Variants in MKLN1 observed in about 807,000 individuals in gnomAD.
MKLN1 encodes the protein muskelin.
MKLN1 carries 18 observed loss-of-function variants against 99.0 expected under a neutral mutation model. The observed-to-expected ratio is 0.18, with a 90% CI of 0.13 to 0.27. The LOEUF is 0.27. Among genes scored for constraint, MKLN1 ranks in the 10% least tolerant of loss-of-function variants. The pLI is 1.00. For synonymous variants in MKLN1, 288 were observed against 293.2 expected, an observed-to-expected ratio of 0.98 and a Z score of 0.18; for missense variants, 621 against 875.9, an observed-to-expected ratio of 0.71 and a Z score of 3.67.
rs537368630 is a variant in MKLN1, at chr7:131,391,895, T to C, written c.400+2923T>C. ...TTACATGCCTTCTTACATGTAGTAT[T>C]CTAGGGACTTTGATGGGACTTAGTG... is the stretch of plus-strand genomic sequence containing the variant. On this transcript the variant is annotated intron_variant, in intron 4 of 17. Transcript: ENST00000352689. Among the ~76,000 whole-genome samples, 3 of 152,342 alleles carry C rather than the reference T, an allele frequency of 2.0e-5. No homozygotes were observed. The East Asian group carries it at 5.8e-4, about 29-fold the overall frequency.
intron 17 of MKLN1, among the ~76,000 whole-genome samples, chr7:131,486,259 A>C (rs1584791356): frequency 3.1e-5 from 1 of 31,996 alleles, no homozygotes; most frequent in South Asian, 6.3e-4. Flanking sequence ...TGGAAATTTC[A>C]AAAAAAAAAA....
intron 3 of MKLN1, among the ~76,000 whole-genome samples, chr7:131,230,038 A>C (rs1477050162): frequency 6.6e-6 from 1 of 152,214 alleles, no homozygotes; most frequent in Non-Finnish European, 1.5e-5. Context: ...TATTAGAGTC[A>C]GGTTGGAAAG....
At chr7:131,425,216 G>A (rs1795323445) in intron 8 of MKLN1, among the ~76,000 whole-genome samples, 1 of 152,020 alleles carries the variant, frequency 6.6e-6, no homozygotes, top group Non-Finnish European at 1.5e-5. Context: ...TAGAGTACAT[G>A]TTCATTAAAA....
chr7:131,278,512 T>G (rs1415678511), intron 3 of MKLN1, among the ~76,000 whole-genome samples: 1 of 152,162 alleles, frequency 6.6e-6, no homozygotes, highest in Non-Finnish European at 1.5e-5. Context: ...AATACTTAGT[T>G]TAGGTGCTCA....
intron 10 of MKLN1, among the ~76,000 whole-genome samples, chr7:131,438,853 A>G (rs2116481832): frequency 6.6e-6 from 1 of 152,206 alleles, no homozygotes; most frequent in Non-Finnish European, 1.5e-5. Context: ...GTGAGACCTA[A>G]AATCTTATCT....
intron 3 of MKLN1, among the ~76,000 whole-genome samples, chr7:131,293,813 A>C (rs975866153): frequency 2.6e-5 from 4 of 152,168 alleles, no homozygotes; most frequent in South Asian, 4.1e-4. Flanking sequence ...CTCTAAGTTC[A>C]TTAATTAATA....
At chr7:131,204,098 T>C (rs1466737856) in intron 3 of MKLN1, among the ~76,000 whole-genome samples, 2 of 152,198 alleles carry the variant, frequency 1.3e-5, no homozygotes, top group Non-Finnish European at 2.9e-5. Context: ...ATGTTCTCAC[T>C]CTGTATACAA....
chr7:131,465,496 C>T (rs1796632980), intron 14 of MKLN1, among the ~76,000 whole-genome samples: 1 of 151,988 alleles, frequency 6.6e-6, no homozygotes, highest in Non-Finnish European at 1.5e-5. Context: ...ATTATATGTG[C>T]CATTTAATAT....
intron 3 of MKLN1, among the ~76,000 whole-genome samples, chr7:131,224,962 A>G (rs1288627985): frequency 6.6e-6 from 1 of 151,830 alleles, no homozygotes; most frequent in Admixed American, 6.6e-5. Context: ...AGTCCCAGCT[A>G]CTCGGGAGGC....
intron 3 of MKLN1, among the ~76,000 whole-genome samples, chr7:131,245,426 C>T (rs994054473): frequency 6.6e-6 from 1 of 152,018 alleles, no homozygotes; most frequent in African/African-American, 2.4e-5. Context: ...CACAACCACG[C>T]CCAGCTAATT....
chr7:131,436,569 T>C (rs904367743), intron 9 of MKLN1, among the ~76,000 whole-genome samples: 1 of 152,232 alleles, frequency 6.6e-6, no homozygotes, highest in African/African-American at 2.4e-5. Flanking sequence ...CTTCCTAGTT[T>C]TGTGACGGTG....
At chr7:131,293,222 G>A (rs1040079328) in intron 3 of MKLN1, among the ~76,000 whole-genome samples, 3 of 152,122 alleles carry the variant, frequency 2.0e-5, no homozygotes, top group Non-Finnish European at 4.4e-5. Context: ...TCCCAGCTGA[G>A]ATCATCCCAG....
At chr7:131,199,086 T>A (rs1337426081) in intron 2 of MKLN1, among the ~76,000 whole-genome samples, 7 of 151,858 alleles carry the variant, frequency 4.6e-5, no homozygotes, top group South Asian at 2.1e-4. Context: ...GGCAGGGAGG[T>A]TCACCCCTGT....
Position 131,369,107 on chromosome 7 carries a change from T to C in MKLN1, c.99-6317T>C, listed in dbSNP as rs566497315. On this transcript the variant is annotated intron_variant, in intron 1 of 17. Coordinates refer to ENST00000352689, the MANE Select transcript of MKLN1 (RefSeq NM_013255.5). ...CTTGCATAGTAGAAATCCCTTTAAG[T>C]GTTTTATAATGATAGTATAAAGTTC... Among the ~76,000 whole-genome samples, 18 of 152,232 alleles carry C rather than the reference T, an allele frequency of 1.2e-4. No individual in the cohort carries two copies. The East Asian group carries it at 3.1e-3, about 26-fold the overall frequency.
At chr7:131,329,479 G>C (rs1799004614) in intron 1 of MKLN1, among the ~76,000 whole-genome samples, 1 of 152,176 alleles carries the variant, frequency 6.6e-6, no homozygotes, top group Non-Finnish European at 1.5e-5. Context: ...TGATATTCTG[G>C]GCTATCTTGT....
intron 2 of MKLN1, among the ~76,000 whole-genome samples, chr7:131,198,035 T>C (rs1454123648): frequency 6.6e-6 from 1 of 152,128 alleles, no homozygotes; most frequent in Non-Finnish European, 1.5e-5. Flanking sequence ...ATTTCTGTTA[T>C]TGAGCCAGAA....
chr7:131,399,344 A>T lies in MKLN1; in HGVS notation c.614A>T (p.Glu205Val). The T allele has an allele frequency of 6.2e-7, 1 of 1,614,014 alleles. No individual in the cohort carries two copies. Among genetic ancestry groups the T allele is most frequent in the South Asian group, 1.1e-5 (1 of 91,084 alleles). Residue 205 changes from glutamate to valine, a missense_variant, in exon 6 of 18, where the codon GAA becomes GTA. Glu to Val is a moderately radical substitution (Grantham distance 121, BLOSUM62 -2). This residue lies in a region of MKLN1 where 361 missense variants were observed against 540.8 expected (regional missense o/e 0.67). Coordinates refer to ENST00000352689, the MANE Select transcript of MKLN1 (RefSeq NM_013255.5). The stretch of plus-strand genomic sequence containing the variant: ...CAAAAGAAAACCAAGATTGCACTGG[A>T]ACATCCCATGTTAACAGATATTCAT... ...SLQKKTKIAL[E>V]HPMLTDIHDK...
At chr7:131,211,049 GAC>G (rs1387566545) in intron 3 of MKLN1, among the ~76,000 whole-genome samples, 2 of 151,812 alleles carry the variant, frequency 1.3e-5, no homozygotes, top group Non-Finnish European at 2.9e-5. Flanking sequence ...TTACCTATAT[GAC>G]ACAGTGTTCA....
intron 1 of MKLN1, among the ~76,000 whole-genome samples, chr7:131,125,659 T>C (rs147447967): frequency 7.2e-4 from 109 of 152,192 alleles, no homozygotes; most frequent in African/African-American, 2.5e-3. Flanking sequence ...TTCCTTGAGG[T>C]CAGGAGTTCG....
Sources: gnomAD v4.1 joint callset for allele counts (sites outside exome capture counted in the v4.1 genomes callset) on GRCh38, gnomAD v4.1.1 for gene constraint, gnomAD v4.1.1 regional missense constraint, MANE v1.5 for transcripts, NCBI Gene and HGNC (gene_info 2026-07-23, HGNC 2026-07-21) for gene names.